CDH18: variants seen among roughly 807,000 people sequenced by gnomAD.
The protein encoded by CDH18 is cadherin 18.
Under a neutral mutation model 67.9 loss-of-function variants are expected in CDH18, and 31 were observed. The ratio of observed to expected loss-of-function variants is 0.46; its 90% CI spans 0.34 to 0.62. The LOEUF (loss-of-function observed/expected upper bound fraction) is 0.62. Ranked by LOEUF, CDH18 falls within the 20% of genes least tolerant of loss-of-function variation. The pLI, the probability that CDH18 is intolerant of heterozygous loss-of-function variation, is 0.01. For synonymous variants in CDH18, 362 were observed against 347.2 expected, an observed-to-expected ratio of 1.04 and a Z score of -0.48; for missense variants, 890 against 975.5, an observed-to-expected ratio of 0.91 and a Z score of 1.17.
intron 1 of CDH18, among the ~76,000 whole-genome samples, chr5:20,433,709 A>G (rs1748950755): frequency 6.6e-6 from 1 of 152,064 alleles, no homozygotes; most frequent in African/African-American, 2.4e-5. Context: ...GTGGGGACTA[A>G]TTGTATATTT....
intron 8 of CDH18, among the ~76,000 whole-genome samples, chr5:19,555,927 G>C (rs1344684030): frequency 6.6e-6 from 1 of 152,198 alleles, no homozygotes; most frequent in African/African-American, 2.4e-5. Flanking sequence ...TGAGAGACCT[G>C]AAGATGGGTT....
rs1392672637 is a variant in CDH18, at chr5:20,117,520, T to C, written c.-517-125506A>G. 1.3e-5 allele frequency among the ~76,000 whole-genome samples: 2 copies of C among 152,178 alleles called. 1 individual carries two copies. Among genetic ancestry groups the C allele is most frequent in the African/African-American group, 4.8e-5 (2 of 41,460 alleles). On this transcript the variant is annotated intron_variant, in intron 2 of 14. Coordinates refer to the CDH18 transcript ENST00000507958. ...GCTAGTGGAGATAAATTGAGTACAC[T>C]GATTCTAAATTGAGGATCTATTAAG...
intron 5 of CDH18, among the ~76,000 whole-genome samples, chr5:19,645,659 C>T (rs1209353314): frequency 3.3e-5 from 5 of 152,122 alleles, no homozygotes; most frequent in African/African-American, 7.2e-5. Flanking sequence ...TGTGTCATTT[C>T]ATTCTGGAAT....
intron 7 of CDH18, among the ~76,000 whole-genome samples, chr5:19,572,957 G>C (rs1199520942): frequency 6.6e-6 from 1 of 152,040 alleles, no homozygotes. Context: ...CCAGGGGTTG[G>C]AGATTACACA....
chr5:19,530,056 T>C (rs1336046421), intron 9 of CDH18, among the ~76,000 whole-genome samples: 1 of 152,162 alleles, frequency 6.6e-6, no homozygotes, highest in Non-Finnish European at 1.5e-5. Context: ...TATAAAACTA[T>C]AGCAATCATA....
At chr5:19,528,177 A>G (rs1362964543) in intron 9 of CDH18, among the ~76,000 whole-genome samples, 1 of 151,788 alleles carries the variant, frequency 6.6e-6, no homozygotes, top group East Asian at 1.9e-4. Flanking sequence ...ACTTTTTGTA[A>G]TAATTCAGTT....
At chr5:19,518,563 G>C (rs1746396080) in intron 10 of CDH18, among the ~76,000 whole-genome samples, 1 of 151,616 alleles carries the variant, frequency 6.6e-6, no homozygotes, top group Admixed American at 6.6e-5. Context: ...GAAGATGGAA[G>C]AGCAGACTTG....
chr5:19,927,508 T>C (rs1205103306), intron 2 of CDH18, among the ~76,000 whole-genome samples: 1 of 152,078 alleles, frequency 6.6e-6, no homozygotes, highest in African/African-American at 2.4e-5. Context: ...TTTAAATGTA[T>C]ATAGACAGTA....
intron 10 of CDH18, among the ~76,000 whole-genome samples, chr5:19,513,486 A>G (rs1465856731): frequency 6.6e-6 from 1 of 152,028 alleles, no homozygotes; most frequent in Admixed American, 6.6e-5. Flanking sequence ...TTAACAATTT[A>G]CCAGGGACTT....
chr5:20,429,293 T>C (rs1748559385), intron 1 of CDH18, among the ~76,000 whole-genome samples: 1 of 152,116 alleles, frequency 6.6e-6, no homozygotes, highest in Non-Finnish European at 1.5e-5. Context: ...TAAGTTACCA[T>C]GCTCTTTAAA....
chr5:20,509,788 T>G (rs1303289686), intron 1 of CDH18, among the ~76,000 whole-genome samples: 2 of 152,184 alleles, frequency 1.3e-5, no homozygotes, highest in Non-Finnish European at 2.9e-5. Flanking sequence ...TATCCAATCA[T>G]CTATGGAAGG....
chr5:20,389,916 G>T (rs1744685647), intron 1 of CDH18, among the ~76,000 whole-genome samples: 1 of 152,130 alleles, frequency 6.6e-6, no homozygotes, highest in African/African-American at 2.4e-5. Flanking sequence ...AAATGGTGAT[G>T]GGAAAACTGG....
chr5:20,341,764 C>T (rs189435522), intron 1 of CDH18, among the ~76,000 whole-genome samples: 169 of 151,820 alleles, frequency 1.1e-3, no homozygotes, highest in African/African-American at 3.8e-3. Flanking sequence ...GACTCTACTT[C>T]TAGTAGTATG....
At chr5:20,377,198 A>G (rs1743524530) in intron 1 of CDH18, among the ~76,000 whole-genome samples, 1 of 152,186 alleles carries the variant, frequency 6.6e-6, no homozygotes, top group Admixed American at 6.5e-5. Context: ...TTGATGGTGT[A>G]CTGAATAACA....
intron 4 of CDH18, among the ~76,000 whole-genome samples, chr5:19,743,133 T>C (rs1769453222): frequency 6.6e-6 from 1 of 152,172 alleles, no homozygotes; most frequent in Admixed American, 6.5e-5. Flanking sequence ...AACTAGGCTA[T>C]CTTAGTATCA....
intron 3 of CDH18, among the ~76,000 whole-genome samples, chr5:19,767,239 C>A (rs1356747039): frequency 6.6e-6 from 1 of 151,496 alleles, no homozygotes; most frequent in Non-Finnish European, 1.5e-5. Flanking sequence ...CTATTAAAAG[C>A]AAAAATAATA....
chr5:19,541,974 G>T (rs894939085), intron 9 of CDH18, among the ~76,000 whole-genome samples: 4 of 151,986 alleles, frequency 2.6e-5, no homozygotes, highest in Non-Finnish European at 5.9e-5. Context: ...GCTAACGTCT[G>T]GTTATTTTGA....
At chr5:20,163,728 A>G (rs1321435416) in intron 2 of CDH18, among the ~76,000 whole-genome samples, 1 of 152,236 alleles carries the variant, frequency 6.6e-6, no homozygotes, top group Admixed American at 6.5e-5. Context: ...AGGTTAAAAC[A>G]TATAAAGCAG....
intron 1 of CDH18, among the ~76,000 whole-genome samples, chr5:20,433,406 A>G (rs115318693): frequency 0.017 from 2,644 of 152,138 alleles, 53 homozygotes; most frequent in African/African-American, 0.044. Flanking sequence ...TATTGTCTCA[A>G]GTTTCCTCTT....
Sources: gnomAD v4.1 joint callset for allele counts (sites outside exome capture counted in the v4.1 genomes callset) on GRCh38, gnomAD v4.1.1 for gene constraint, MANE v1.5 for transcripts, NCBI Gene and HGNC (gene_info 2026-07-23, HGNC 2026-07-21) for gene names.